The following TMEM132C variants were observed in gnomAD, a reference collection of about 807,000 sequenced individuals.
The protein encoded by TMEM132C is protein phosphatase 1, regulatory subunit 152.
TMEM132C carries 29 observed loss-of-function variants against 61.4 expected under a neutral mutation model. The observed-to-expected ratio is 0.47, with a 90% confidence interval of 0.35 to 0.64. The LOEUF (loss-of-function observed/expected upper bound fraction) is 0.64. TMEM132C is among the 30% of genes least tolerant of loss of function. The pLI is 0.00. For missense variants in TMEM132C, 1,408 were observed against 1,476.9 expected (o/e 0.95, Z 0.76); for synonymous variants, 656 against 633.1 (o/e 1.04, Z -0.54).
At chr12:128,276,333 A>G (rs2135894437) in intron 1 of TMEM132C, among the ~76,000 whole-genome samples, 1 of 152,346 alleles carries the variant, frequency 6.6e-6, no homozygotes, top group Non-Finnish European at 1.5e-5. Context: ...AGAATAATTT[A>G]AAACACAAAG....
intron 1 of TMEM132C, among the ~76,000 whole-genome samples, chr12:128,320,676 G>GGT (rs1872301761): frequency 6.6e-6 from 1 of 152,088 alleles, no homozygotes; most frequent in Non-Finnish European, 1.5e-5. Flanking sequence ...GGGAGGCTGA[G>GGT]GTGGAAGGAT....
intron 3 of TMEM132C, among the ~76,000 whole-genome samples, chr12:128,575,524 A>C (rs1875061048): frequency 6.6e-6 from 1 of 152,198 alleles, no homozygotes; most frequent in African/African-American, 2.4e-5. Flanking sequence ...CAAATATTTT[A>C]CTTAACGATT....
chr12:128,622,359 AAATATATATATATATATATATATAT>A lies in TMEM132C; in HGVS notation c.1305+6026_1305+6050del, dbSNP rs1201863262. On this transcript the variant is annotated intron_variant, in intron 4 of 8. Coordinates refer to ENST00000435159, the MANE Select transcript of TMEM132C (RefSeq NM_001136103.3). ...ACTTTGTCTCAAAAAAAAAAAAAAAAAATATATATATATATATATATATATATATATATATATATATAACCAGGAA... is the reference window on the plus strand; with the variant it reads ...ACTTTGTCTCAAAAAAAAAAAAAAAAATATATATATATATATAACCAGGAA... 2.3e-4 allele frequency among the ~76,000 whole-genome samples: 13 copies of A among 56,402 alleles called. 1 individual carries two copies. The highest frequency in any genetic ancestry group is 1.2e-3 in the African/African-American group (10 of 8,538). The allele number at this position is 56,402 out of a possible 152,430, so 37.0% of individuals were successfully genotyped here. A position where few individuals can be genotyped will look rare whatever the true frequency, so the allele number is the denominator to read the frequency against.
At chr12:128,664,208 AC>A (rs1223960204) in intron 4 of TMEM132C, among the ~76,000 whole-genome samples, 28 of 92,118 alleles carry the variant, frequency 3.0e-4, no homozygotes, top group Middle Eastern at 7.1e-3. Context: ...ACAGGCACAC[AC>A]ACATGCCTGT....
chr12:128,650,366 C>A (rs1954255872), intron 4 of TMEM132C, among the ~76,000 whole-genome samples: 1 of 152,016 alleles, frequency 6.6e-6, no homozygotes, highest in Non-Finnish European at 1.5e-5. Flanking sequence ...ATGTAAGAGT[C>A]TCATTAAAAG....
chr12:128,623,371 C>A (rs940337136), intron 4 of TMEM132C, among the ~76,000 whole-genome samples: 35 of 151,690 alleles, frequency 2.3e-4, no homozygotes, highest in African/African-American at 8.0e-4. Flanking sequence ...ATGTAACAAA[C>A]CTGCACGTTG....
intron 1 of TMEM132C, among the ~76,000 whole-genome samples, chr12:128,370,322 A>G (rs1294011599): frequency 2.6e-5 from 4 of 152,186 alleles, no homozygotes; most frequent in Non-Finnish European, 5.9e-5. Flanking sequence ...ATGCCTTAAC[A>G]TAGCATAAGC....
At chr12:128,457,161 A>AT (rs1870373702) in intron 2 of TMEM132C, among the ~76,000 whole-genome samples, 1 of 152,132 alleles carries the variant, frequency 6.6e-6, no homozygotes, top group African/African-American at 2.4e-5. Flanking sequence ...ATTGCTGCTC[A>AT]TAGGGTAAGC....
At chr12:128,446,995 C>T (rs2090973711) in intron 2 of TMEM132C, among the ~76,000 whole-genome samples, 1 of 152,098 alleles carries the variant, frequency 6.6e-6, no homozygotes, top group African/African-American at 2.4e-5. Flanking sequence ...TTGTTGCAAG[C>T]AACAGCAATT....
In TMEM132C at chr12:128,635,702, A is replaced by G. The variant is rs552762425; in HGVS notation, c.1305+19367A>G. ...AGTTGTAACCTCTCAGGGTTGCAGC[A>G]GAACATTGTAAGAGCCATGGGCAAC... is the stretch of plus-strand genomic sequence containing the variant. On this transcript the variant is annotated intron_variant, in intron 4 of 8. Coordinates refer to ENST00000435159, the MANE Select transcript of TMEM132C (RefSeq NM_001136103.3). 7.9e-5 allele frequency among the ~76,000 whole-genome samples: 12 copies of G among 152,324 alleles called. No individual in the cohort carries two copies. The South Asian group carries it at 2.5e-3, about 32-fold the overall frequency.
chr12:128,470,369 G>T (rs1410925576), intron 2 of TMEM132C, among the ~76,000 whole-genome samples: 1 of 152,198 alleles, frequency 6.6e-6, no homozygotes, highest in Non-Finnish European at 1.5e-5. Context: ...GTGTGGCTGA[G>T]TTGACTTCCC....
intron 4 of TMEM132C, among the ~76,000 whole-genome samples, chr12:128,666,442 A>G (rs796296303): frequency 2.0e-5 from 3 of 152,298 alleles, no homozygotes; most frequent in African/African-American, 7.2e-5. Flanking sequence ...TGCTGTTTAG[A>G]AGCTACCCAG....
intron 3 of TMEM132C, among the ~76,000 whole-genome samples, chr12:128,554,787 G>T (rs1372250216): frequency 1.3e-5 from 2 of 152,154 alleles, no homozygotes; most frequent in Admixed American, 1.3e-4. Flanking sequence ...ATTTCCAGCA[G>T]ATGCTATAAA....
Position 128,693,949 on chromosome 12 carries a change from C to T in TMEM132C, c.1570C>T (p.Pro524Ser). ...CCCCCTGTGTGTCACCGTGTGGGTG[C>T]CCCGGCTGCCCCTGCAGATCGAGGT... Reference protein sequence around the residue: ...SAPLCVTVWVPRLPLQIEVSD... With the variant: ...SAPLCVTVWVSRLPLQIEVSD... Residue 524 changes from proline to serine, a missense_variant, in exon 6 of 9, where the codon CCC becomes TCC. Coordinates refer to ENST00000435159, the MANE Select transcript of TMEM132C (RefSeq NM_001136103.3). 2.6e-6 allele frequency: 4 copies of T among 1,551,738 alleles called. No individual in the cohort carries two copies. Among genetic ancestry groups the T allele is most frequent in the South Asian group, 1.2e-5 (1 of 84,066 alleles).
At chr12:128,666,955 C>A (rs61940596) in intron 4 of TMEM132C, among the ~76,000 whole-genome samples, 4 of 152,046 alleles carry the variant, frequency 2.6e-5, no homozygotes, top group Non-Finnish European at 4.4e-5. Context: ...CTGTAGTCCC[C>A]GCTACTCGGG....
rs568875976 is a variant in TMEM132C at position 128,607,821 on chromosome 12, G to A, written c.1122-8331G>A. Among the ~76,000 whole-genome samples the A allele has an allele frequency of 2.0e-5, 3 of 152,280 alleles. No individual in the cohort carries two copies. In the South Asian group the frequency reaches 6.2e-4, roughly 32 times the overall value. On this transcript the variant is annotated intron_variant, in intron 3 of 8. Coordinates refer to ENST00000435159, the MANE Select transcript of TMEM132C (RefSeq NM_001136103.3). The stretch of plus-strand genomic sequence containing the variant: ...GCATAGCACCCCTGGAAGGAGATGA[G>A]GAAACTGTGGTTTTGAGAGCATAAA...
At chr12:128,540,489 T>G (rs1366949943) in intron 2 of TMEM132C, among the ~76,000 whole-genome samples, 5 of 152,178 alleles carry the variant, frequency 3.3e-5, no homozygotes, top group Non-Finnish European at 4.4e-5. Flanking sequence ...GCTGACCTCA[T>G]GATCTGCCTA....
intron 2 of TMEM132C, among the ~76,000 whole-genome samples, chr12:128,422,225 G>T (rs554089601): frequency 6.6e-6 from 1 of 152,292 alleles, no homozygotes; most frequent in African/African-American, 2.4e-5. Context: ...TCCACTGACT[G>T]CCTCCCCAAA....
intron 2 of TMEM132C, among the ~76,000 whole-genome samples, chr12:128,418,435 T>C (rs1458818127): frequency 6.6e-6 from 1 of 152,254 alleles, no homozygotes; most frequent in Non-Finnish European, 1.5e-5. Flanking sequence ...TTTTGCTCTA[T>C]GTGGAGTCTC....
Sources: allele counts gnomAD v4.1 joint callset (sites outside exome capture counted in the v4.1 genomes callset), GRCh38; gene constraint gnomAD v4.1.1; transcripts MANE v1.5; gene names NCBI Gene and HGNC (gene_info 2026-07-23, HGNC 2026-07-21).